CD9: variants seen among roughly 807,000 people sequenced by gnomAD.
CD9 encodes CD9 antigen.
Under a neutral mutation model 31.4 loss-of-function variants are expected in CD9, and 10 were observed. The ratio of observed to expected loss-of-function variants is 0.32; its 90% confidence interval spans 0.20 to 0.54. The LOEUF is 0.54. CD9 is among the 20% of genes least tolerant of loss of function. The pLI is 0.94. For synonymous variants in CD9, 113 were observed against 114.1 expected (o/e 0.99, Z 0.06); for missense variants, 259 against 300.1 (o/e 0.86, Z 1.01).
intron 2 of CD9, among the ~76,000 whole-genome samples, chr12:6,231,183 C>G (rs762827104): frequency 1.2e-4 from 18 of 152,208 alleles, no homozygotes; most frequent in Non-Finnish European, 2.2e-4. Context: ...AGTAGGGATA[C>G]AGCAGCAGGT....
intron 1 of CD9, among the ~76,000 whole-genome samples, chr12:6,221,923 A>C (rs1243081837): frequency 6.6e-6 from 1 of 152,028 alleles, no homozygotes; most frequent in African/African-American, 2.4e-5. Context: ...TGAGCCCAGG[A>C]GTCCAAGGCT....
Position 6,200,439 on chromosome 12 carries a change from C to A in CD9, c.-61C>A. The A allele has an allele frequency of 1.8e-6, 2 of 1,123,954 alleles. No homozygotes were observed. The highest frequency in any genetic ancestry group is 1.4e-6 in the Non-Finnish European group (1 of 737,600). 69.6% of individuals were successfully genotyped at this position (1,123,954 alleles called of 1,614,324 possible). A position where few individuals can be genotyped will look rare whatever the true frequency, so the allele number is the denominator to read the frequency against. On this transcript the variant is annotated 5_prime_UTR_variant, in exon 1 of 8. Transcript: ENST00000009180. ...GTATCCAGCGCCAGGTCCCGCCAGT[C>A]CCAGCTGCGCGCGCCCCCCAGTCCC...
intron 5 of CD9, 32 bp from the exon 6 acceptor site, chr12:6,235,442 TTC>T (rs1285878557): frequency 4.3e-6 from 7 of 1,613,516 alleles, no homozygotes; most frequent in Non-Finnish European, 5.9e-6. Flanking sequence ...TACAATTTGT[TTC>T]TCTCATCCCC....
chr12:6,228,142 C>T (rs928023888), intron 2 of CD9, among the ~76,000 whole-genome samples: 2 of 152,198 alleles, frequency 1.3e-5, no homozygotes, highest in African/African-American at 4.8e-5. Context: ...TCCTTTGCAG[C>T]GACACCCCAT....
At chr12:6,234,421 A>T (rs1277090689) in intron 4 of CD9, 1 of 152,090 alleles carries the variant, frequency 6.6e-6, no homozygotes, top group African/African-American at 2.4e-5. Context: ...GACGTGAGCA[A>T]TCCATTGAGA....
chr12:6,221,422 C>A (rs1946290465), intron 1 of CD9, among the ~76,000 whole-genome samples: 1 of 152,198 alleles, frequency 6.6e-6, no homozygotes, highest in Non-Finnish European at 1.5e-5. Flanking sequence ...GGCACTGTCT[C>A]ATTCAGCATC....
rs1946519928 is a variant in CD9 at position 6,236,134 on chromosome 12, G to A, written c.538-58G>A. 2.5e-6 allele frequency: 4 copies of A among 1,605,210 alleles called. No homozygotes were observed. The Admixed American group carries it at 5.0e-5, about 20-fold the overall frequency. On this transcript the variant is annotated intron_variant, in intron 6 of 7. Coordinates refer to ENST00000009180, the MANE Select transcript of CD9 (RefSeq NM_001769.4). ...GGTGAGACGGGGGCCATGGGAGGGA[G>A]GAGGTGCCCTGGGAGGAAGGATTGT...
intron 1 of CD9, among the ~76,000 whole-genome samples, chr12:6,207,239 C>G (rs1398999310): frequency 6.6e-6 from 1 of 152,208 alleles, no homozygotes; most frequent in African/African-American, 2.4e-5. Context: ...CCAGACAACC[C>G]CTGCTCTGTC....
intron 1 of CD9, among the ~76,000 whole-genome samples, chr12:6,203,665 C>A (rs1168743548): frequency 6.6e-6 from 1 of 152,170 alleles, no homozygotes; most frequent in African/African-American, 2.4e-5. Context: ...TTGATTGTTT[C>A]TACATTTCCT....
chr12:6,226,958 C>T (rs891251714), intron 2 of CD9, among the ~76,000 whole-genome samples: 7 of 152,136 alleles, frequency 4.6e-5, no homozygotes, highest in South Asian at 2.1e-4. Flanking sequence ...GCAGGTCTGC[C>T]GGCAGGAGCA....
intron 1 of CD9, among the ~76,000 whole-genome samples, chr12:6,210,162 T>G (rs1263807956): frequency 2.0e-5 from 3 of 150,890 alleles, no homozygotes; most frequent in African/African-American, 7.3e-5. Context: ...GTTCTGCCCT[T>G]TGCTGGCAGG....
At chr12:6,225,332 C>G in intron 1 of CD9, 94 bp from the exon 2 acceptor site, 3 of 805,360 alleles carry the variant, frequency 3.7e-6, no homozygotes, top group Non-Finnish European at 6.6e-6. Flanking sequence ...CAAGGGTGGT[C>G]ACAAAGTCCT....
chr12:6,201,671 G>A (rs1417306630), intron 1 of CD9, among the ~76,000 whole-genome samples: 1 of 152,254 alleles, frequency 6.6e-6, no homozygotes, highest in Non-Finnish European at 1.5e-5. Flanking sequence ...CTGCAGGCAG[G>A]AAGAGAGTCT....
intron 1 of CD9, among the ~76,000 whole-genome samples, chr12:6,212,377 G>A (rs1429791752): frequency 6.6e-6 from 1 of 152,186 alleles, no homozygotes; most frequent in African/African-American, 2.4e-5. Context: ...TCTCCTCCCT[G>A]GGAAACCTCT....
At chr12:6,229,162 C>T (rs887901704) in intron 2 of CD9, among the ~76,000 whole-genome samples, 8 of 152,212 alleles carry the variant, frequency 5.3e-5, no homozygotes, top group Non-Finnish European at 8.8e-5. Flanking sequence ...GGCCAGCAGC[C>T]TTTCCCAGCT....
At chr12:6,219,376 A>G (rs1946271362) in intron 1 of CD9, among the ~76,000 whole-genome samples, 1 of 152,174 alleles carries the variant, frequency 6.6e-6, no homozygotes, top group Non-Finnish European at 1.5e-5. Context: ...ACATTGGGAC[A>G]TGCTTCACCA....
At chr12:6,214,646 CCT>C (rs1442707933) in intron 1 of CD9, among the ~76,000 whole-genome samples, 1 of 152,082 alleles carries the variant, frequency 6.6e-6, no homozygotes, top group Non-Finnish European at 1.5e-5. Context: ...TGACCATCAG[CCT>C]CTGAGTGTAT....
chr12:6,220,136 C>T (rs1043982516), intron 1 of CD9, among the ~76,000 whole-genome samples: 3 of 152,090 alleles, frequency 2.0e-5, no homozygotes, highest in Admixed American at 2.0e-4. Flanking sequence ...GGCCTGCTCA[C>T]GTGCTTGGCT....
intron 7 of CD9, 99 bp downstream of exon 7, chr12:6,236,374 A>T (rs535644067): frequency 9.5e-7 from 1 of 1,048,678 alleles, no homozygotes; most frequent in African/African-American, 1.6e-5. Context: ...GCATTTGTCA[A>T]CTCACTTTGT....
Sources: allele counts gnomAD v4.1 joint callset (sites outside exome capture counted in the v4.1 genomes callset), GRCh38; gene constraint gnomAD v4.1.1; transcripts MANE v1.5; gene names NCBI Gene and HGNC (gene_info 2026-07-23, HGNC 2026-07-21).